The following NRXN1 variants were observed in gnomAD, a reference collection of about 807,000 sequenced individuals.
NRXN1 encodes neurexin-1.
Under a neutral mutation model 150.9 loss-of-function variants are expected in NRXN1, and 39 were observed. The ratio of observed to expected loss-of-function variants is 0.26; its 90% CI spans 0.20 to 0.34. The LOEUF is 0.34. Ranked by LOEUF, NRXN1 falls within the 10% of genes least tolerant of loss-of-function variation. The pLI is 1.00. For missense variants in NRXN1, 1,815 were observed against 1,949.9 expected (o/e 0.93, Z 1.30); for synonymous variants, 924 against 757.0 (o/e 1.22, Z -3.62).
At chr2:49,929,826 C>A in intron 22 of NRXN1, among the ~76,000 whole-genome samples, 1 of 152,086 alleles carries the variant, frequency 6.6e-6, no homozygotes, top group Middle Eastern at 3.4e-3. Flanking sequence ...TAGGAGATAA[C>A]GAAACAAACT....
At chr2:50,018,981 A>G (rs1687065132) in intron 21 of NRXN1, among the ~76,000 whole-genome samples, 2 of 152,208 alleles carry the variant, frequency 1.3e-5, no homozygotes, top group Non-Finnish European at 1.5e-5. Context: ...CAAAGGAAAT[A>G]TTACTGGAAA....
At chr2:50,540,901 A>G (rs907476199) in intron 9 of NRXN1, among the ~76,000 whole-genome samples, 9 of 152,230 alleles carry the variant, frequency 5.9e-5, no homozygotes, top group East Asian at 3.9e-4. Context: ...GCCTCAAGTG[A>G]TCCACCCACC....
At chr2:50,852,132 G>T (rs1409416617) in intron 5 of NRXN1, among the ~76,000 whole-genome samples, 4 of 152,166 alleles carry the variant, frequency 2.6e-5, no homozygotes, top group Admixed American at 6.5e-5. Flanking sequence ...ATATAGAGAT[G>T]CAAGGTGAAT....
chr2:50,723,631 C>T (rs1696952356), intron 5 of NRXN1, among the ~76,000 whole-genome samples: 1 of 152,150 alleles, frequency 6.6e-6, no homozygotes, highest in South Asian at 2.1e-4. Context: ...ACCCAGAGGG[C>T]CTGGGGAAGA....
chr2:49,999,537 G>T (rs1379596629), intron 21 of NRXN1, among the ~76,000 whole-genome samples: 3 of 152,058 alleles, frequency 2.0e-5, no homozygotes, highest in East Asian at 3.9e-4. Context: ...AAGCTATAAG[G>T]TTCTTTCCGT....
intron 2 of NRXN1, among the ~76,000 whole-genome samples, chr2:50,972,282 C>T (rs1695125767): frequency 6.6e-6 from 1 of 152,016 alleles, no homozygotes; most frequent in Non-Finnish European, 1.5e-5. Flanking sequence ...TAAATAAATA[C>T]ATGTTAATAT....
At chr2:50,555,698 G>A (rs1222748844) in intron 8 of NRXN1, among the ~76,000 whole-genome samples, 2 of 152,082 alleles carry the variant, frequency 1.3e-5, no homozygotes, top group Non-Finnish European at 2.9e-5. Context: ...ATAGGCTTTT[G>A]TAAATAACAA....
intron 17 of NRXN1, among the ~76,000 whole-genome samples, chr2:50,448,497 T>C (rs943251522): frequency 2.0e-5 from 3 of 152,198 alleles, no homozygotes; most frequent in African/African-American, 7.2e-5. Context: ...ATTAAAGCAT[T>C]AGTGGTGGTC....
chr2:50,539,022 T>G (rs1284818378), intron 9 of NRXN1, among the ~76,000 whole-genome samples: 4 of 152,204 alleles, frequency 2.6e-5, no homozygotes, highest in African/African-American at 9.6e-5. Context: ...AAAGCCAATA[T>G]TCAATTGCAA....
intron 17 of NRXN1, among the ~76,000 whole-genome samples, chr2:50,354,499 T>G (rs371211315): frequency 3.4e-5 from 5 of 146,824 alleles, no homozygotes; most frequent in Non-Finnish European, 1.5e-5. Flanking sequence ...CAATAGTGCC[T>G]AGAGTATATG....
chr2:50,798,572 G>C (rs1271507276), intron 5 of NRXN1, among the ~76,000 whole-genome samples: 6 of 152,054 alleles, frequency 3.9e-5, no homozygotes, highest in Non-Finnish European at 8.8e-5. Flanking sequence ...AAATAAGAAA[G>C]CTTTAGGAGG....
intron 2 of NRXN1, among the ~76,000 whole-genome samples, chr2:51,004,193 C>T (rs1411962810): frequency 1.3e-5 from 2 of 151,932 alleles, no homozygotes; most frequent in Non-Finnish European, 2.9e-5. Flanking sequence ...AAGCAAACTA[C>T]TGCTCACACA....
intron 5 of NRXN1, among the ~76,000 whole-genome samples, chr2:50,727,302 A>T (rs1697492456): frequency 6.6e-6 from 1 of 152,194 alleles, no homozygotes; most frequent in Non-Finnish European, 1.5e-5. Context: ...CAGTTACAAC[A>T]TACATGCTTT....
intron 17 of NRXN1, among the ~76,000 whole-genome samples, chr2:50,330,355 A>G (rs1025779608): frequency 1.3e-5 from 2 of 152,214 alleles, no homozygotes; most frequent in Non-Finnish European, 2.9e-5. Flanking sequence ...GAAAATTTCC[A>G]TGATCTCTAA....
intron 2 of NRXN1, among the ~76,000 whole-genome samples, chr2:50,953,453 T>C (rs1691739099): frequency 6.6e-6 from 1 of 151,994 alleles, no homozygotes. Flanking sequence ...TCAGGACATA[T>C]CAAACACATC....
chr2:50,368,417 G>C (rs1267421619), intron 17 of NRXN1, among the ~76,000 whole-genome samples: 1 of 151,758 alleles, frequency 6.6e-6, no homozygotes, highest in Admixed American at 6.6e-5. Flanking sequence ...AAAAACCTGG[G>C]GATTTTTACT....
intron 2 of NRXN1, among the ~76,000 whole-genome samples, chr2:51,011,594 G>A (rs1226017906): frequency 1.3e-5 from 2 of 151,914 alleles, no homozygotes; most frequent in Admixed American, 1.3e-4. Flanking sequence ...TCCAGAGAGA[G>A]TAACACTAGA....
At chr2:50,048,660 T>C (rs1692213471) in intron 21 of NRXN1, among the ~76,000 whole-genome samples, 1 of 152,150 alleles carries the variant, frequency 6.6e-6, no homozygotes, top group African/African-American at 2.4e-5. Flanking sequence ...TGGGTTCTTT[T>C]TCAGAAAACC....
chr2:51,006,704 T>C (rs775236340), intron 2 of NRXN1, among the ~76,000 whole-genome samples: 33 of 151,974 alleles, frequency 2.2e-4, no homozygotes, highest in Non-Finnish European at 2.9e-4. Flanking sequence ...TTCCAGCCTG[T>C]TTAACCACTT....
Sources: allele counts gnomAD v4.1 joint callset (sites outside exome capture counted in the v4.1 genomes callset), GRCh38; gene constraint gnomAD v4.1.1; transcripts MANE v1.5; gene names NCBI Gene and HGNC (gene_info 2026-07-23, HGNC 2026-07-21).